GFPT2: variants seen among roughly 807,000 people sequenced by gnomAD.
GFPT2 encodes glutamine--fructose-6-phosphate transaminase 2.
A neutral mutation model predicts 85.6 loss-of-function variants in GFPT2; 62 were observed. That is an observed-to-expected ratio of 0.72 (90% confidence interval 0.59 to 0.90). The LOEUF is 0.90. GFPT2 is among the 40% of genes least tolerant of loss of function. GFPT2 has a pLI of 0.00. For missense variants in GFPT2, 788 were observed against 893.4 expected (o/e 0.88, Z 1.50); for synonymous variants, 368 against 344.5 (o/e 1.07, Z -0.75).
At chr5:180,324,646 A>T (rs1403410087) in intron 8 of GFPT2, among the ~76,000 whole-genome samples, 170 bp downstream of exon 8, 1 of 152,296 alleles carries the variant, frequency 6.6e-6, no homozygotes, top group East Asian at 1.9e-4. Flanking sequence ...AAAAAAATGG[A>T]GCCAAGTCTC....
At position 180,302,538 on chromosome 5, in the gene GFPT2, T is replaced by C. The variant is rs774778141; in HGVS notation, c.1889A>G (p.Lys630Arg). 4 of 1,613,940 alleles carry C rather than the reference T, an allele frequency of 2.5e-6. No individual in the cohort carries two copies. The African/African-American group carries it at 5.3e-5, about 22-fold the overall frequency. Residue 630 changes from lysine to arginine, a missense_variant, in exon 18 of 19, where the codon AAG becomes AGG. Lys to Arg is a conservative substitution (Grantham distance 26, BLOSUM62 2). Coordinates refer to ENST00000253778, the MANE Select transcript of GFPT2 (RefSeq NM_005110.4). Reference protein sequence around the residue: ...LCSKDDTESSKFAYKTIELPH... With the variant: ...LCSKDDTESSRFAYKTIELPH... ...CAGCTCAATTGTCTTATACGCAAAC[T>C]TGGAACTTTCAGTATCGTCCTTGGA...
At chr5:180,319,177 A>G (rs1662736439) in intron 9 of GFPT2, among the ~76,000 whole-genome samples, 3 of 152,252 alleles carry the variant, frequency 2.0e-5, no homozygotes, top group Admixed American at 2.0e-4. Flanking sequence ...CAGACATTAT[A>G]TCATTTCTTC....
chr5:180,352,692 A>C (rs1451241372), intron 1 of GFPT2: 2 of 427,664 alleles, frequency 4.7e-6, no homozygotes, highest in South Asian at 3.2e-5. Flanking sequence ...GCCCTGCCTG[A>C]GGCACTGACG....
intron 1 of GFPT2, among the ~76,000 whole-genome samples, chr5:180,349,883 T>C (rs1764678595): frequency 6.6e-6 from 1 of 151,990 alleles, no homozygotes; most frequent in Admixed American, 6.6e-5. Context: ...TGATTGTTTT[T>C]TTTTTTTTCT....
chr5:180,304,641 G>A (rs1305874872), intron 17 of GFPT2, 131 bp downstream of exon 17: 22 of 835,772 alleles, frequency 2.6e-5, no homozygotes, highest in South Asian at 4.7e-5. Flanking sequence ...CAGGCGGCCC[G>A]GGGGAGGGTG....
chr5:180,329,132 A>T (rs1764262272), intron 6 of GFPT2, among the ~76,000 whole-genome samples: 1 of 152,182 alleles, frequency 6.6e-6, no homozygotes, highest in Admixed American at 6.5e-5. Context: ...GAGCTCAGTT[A>T]TATATAACCA....
rs780976185 is a variant in GFPT2, at chr5:180,336,581, T to C, written c.116-4A>G. ...TTATTCCCATCGATCGCCACACCTG[T>C]GATGTAGACAGCATTTGTTATATTG... On this transcript the variant is annotated splice_polypyrimidine_tract_variant and splice_region_variant and intron_variant, in intron 2 of 18. Coordinates refer to ENST00000253778, the MANE Select transcript of GFPT2 (RefSeq NM_005110.4). 1.3e-6 allele frequency: 2 copies of C among 1,572,514 alleles called. No homozygotes were observed. Among genetic ancestry groups the C allele is most frequent in the Admixed American group, 1.7e-5 (1 of 59,960 alleles).
Position 180,353,298 on chromosome 5 carries a change from TGGGC to T in GFPT2, c.-85_-82del. 1 of 261,588 alleles carries T rather than the reference TGGGC, an allele frequency of 3.8e-6. No homozygotes were observed. The highest frequency in any genetic ancestry group is 7.3e-5 in the East Asian group (1 of 13,776). The allele number at this position is 261,588 out of a possible 1,614,324, so 16.2% of individuals were successfully genotyped here. A position where few individuals can be genotyped will look rare whatever the true frequency, so the allele number is the denominator to read the frequency against. On this transcript the variant is annotated 5_prime_UTR_variant, in exon 1 of 19. Coordinates refer to ENST00000253778, the MANE Select transcript of GFPT2 (RefSeq NM_005110.4). ...TGGGGCTCCTCCGTGGGCTCCTCCGTGGGCTCCGTGGGCTCCGTGGGCTCCGCGG... is the reference window on the plus strand; with the variant it reads ...TGGGGCTCCTCCGTGGGCTCCTCCGTTCCGTGGGCTCCGTGGGCTCCGCGG...
At chr5:180,329,223 C>T (rs746261888) in intron 6 of GFPT2, among the ~76,000 whole-genome samples, 4 of 152,172 alleles carry the variant, frequency 2.6e-5, no homozygotes, top group Admixed American at 6.5e-5. Context: ...GTCAGCGTGT[C>T]GGGTCCAGGT....
chr5:180,353,079 A>G (rs541673631), intron 1 of GFPT2, 132 bp downstream of exon 1: 11 of 707,208 alleles, frequency 1.6e-5, no homozygotes, highest in African/African-American at 1.3e-4. Flanking sequence ...GCCCCTCGGT[A>G]GGGGCCCGGG....
At chr5:180,350,130 G>A (rs1477093675) in intron 1 of GFPT2, among the ~76,000 whole-genome samples, 1 of 152,054 alleles carries the variant, frequency 6.6e-6, no homozygotes, top group Non-Finnish European at 1.5e-5. Context: ...TTCCTAGGAA[G>A]GTCAGCTCCT....
rs1166302181 is a variant in GFPT2, at chr5:180,300,827, G to C, written c.*737C>G. ...GGATATTTCAAGCTGTTTTACTATG[G>C]GCAAGGAGCAGGGACCAAAATGCTG... On this transcript the variant is annotated 3_prime_UTR_variant, in exon 19 of 19. Coordinates refer to ENST00000253778, the MANE Select transcript of GFPT2 (RefSeq NM_005110.4). 1.3e-5 allele frequency: 2 copies of C among 152,628 alleles called. No homozygotes were observed. Among genetic ancestry groups the C allele is most frequent in the African/African-American group, 4.8e-5 (2 of 41,428 alleles). The allele number at this position is 152,628 out of a possible 1,614,324, so 9.5% of individuals were successfully genotyped here.
At chr5:180,303,347 T>C (rs1254851621) in intron 17 of GFPT2, among the ~76,000 whole-genome samples, 1 of 152,164 alleles carries the variant, frequency 6.6e-6, no homozygotes, top group Non-Finnish European at 1.5e-5. Context: ...ACATCTGGAC[T>C]GAACCCTAAA....
intron 17 of GFPT2, 103 bp from the exon 18 acceptor site, chr5:180,302,687 C>T (rs2127645198): frequency 8.1e-6 from 7 of 869,420 alleles, no homozygotes; most frequent in Middle Eastern, 2.4e-4. Flanking sequence ...TGAGAACAGT[C>T]CTCTTTTGCA....
chr5:180,330,914 G>C lies in GFPT2; in HGVS notation c.400-80C>G. Reference sequence around the variant, plus strand: ...TGGCCAACTCCCTCTCCTCCCTGGTGATCTGCCCTTGGAGTGACTTAAGTC... The same window carrying C: ...TGGCCAACTCCCTCTCCTCCCTGGTCATCTGCCCTTGGAGTGACTTAAGTC... On this transcript the variant is annotated intron_variant, in intron 5 of 18. Transcript: ENST00000253778. The surrounding 1 kb of genome is among the most constrained non-coding windows in gnomAD (Gnocchi z 4.4). The C allele has an allele frequency of 1.5e-6, 2 of 1,318,504 alleles. No individual in the cohort carries two copies. The highest frequency in any genetic ancestry group is 2.3e-5 in the East Asian group (1 of 42,566). 81.7% of individuals were successfully genotyped at this position (1,318,504 alleles called of 1,614,324 possible).
intron 1 of GFPT2, among the ~76,000 whole-genome samples, chr5:180,342,463 G>A (rs1051436179): frequency 1.4e-5 from 2 of 142,682 alleles, no homozygotes; most frequent in African/African-American, 2.6e-5. Context: ...AGGCTGGAGT[G>A]CAGTGTTGTG....
At chr5:180,316,696 T>C in intron 12 of GFPT2, 68 bp downstream of exon 12, 1 of 1,155,638 alleles carries the variant, frequency 8.7e-7, no homozygotes, top group Non-Finnish European at 1.3e-6. Flanking sequence ...ACATGAGTGA[T>C]AAAACTGAAG....
chr5:180,350,109 C>T (rs2127659127), intron 1 of GFPT2, among the ~76,000 whole-genome samples: 1 of 152,136 alleles, frequency 6.6e-6, no homozygotes, highest in Middle Eastern at 3.4e-3. Flanking sequence ...TGCCCCAGGT[C>T]CCTCCCCTTC....
At chr5:180,315,014 C>G (rs1001978268) in intron 13 of GFPT2, among the ~76,000 whole-genome samples, 1 of 152,088 alleles carries the variant, frequency 6.6e-6, no homozygotes, top group Non-Finnish European at 1.5e-5. Flanking sequence ...GGTGGTGGGC[C>G]GGATGGTCGG....
Sources: allele counts gnomAD v4.1 joint callset (sites outside exome capture counted in the v4.1 genomes callset), GRCh38; gene constraint gnomAD v4.1.1; non-coding constraint Gnocchi (gnomAD v3.1); transcripts MANE v1.5; gene names NCBI Gene and HGNC (gene_info 2026-07-23, HGNC 2026-07-21).